The following PTPRR variants were observed in gnomAD, a reference collection of about 807,000 sequenced individuals.
PTPRR encodes protein tyrosine phosphatase receptor type R, also known as receptor-type tyrosine-protein phosphatase R.
In PTPRR, 38 loss-of-function variants were observed where a neutral mutation model predicts 77.2. The ratio of observed to expected loss-of-function variants is 0.49; its 90% CI spans 0.38 to 0.65. The LOEUF is 0.65. Ranked by LOEUF, PTPRR falls within the 30% of genes least tolerant of loss-of-function variation. The pLI is 0.00. For synonymous variants in PTPRR, 299 were observed against 283.1 expected, an observed-to-expected ratio of 1.06 and a Z score of -0.57; for missense variants, 744 against 799.2, an observed-to-expected ratio of 0.93 and a Z score of 0.83.
At chr12:70,809,004 C>A (rs1452490964) in intron 2 of PTPRR, among the ~76,000 whole-genome samples, 1 of 152,040 alleles carries the variant, frequency 6.6e-6, no homozygotes, top group African/African-American at 2.4e-5. Flanking sequence ...GGAGATTGAC[C>A]CCACAGAAAT....
At chr12:70,848,869 A>C (rs1189764632) in intron 2 of PTPRR, among the ~76,000 whole-genome samples, 1 of 152,200 alleles carries the variant, frequency 6.6e-6, no homozygotes, top group Non-Finnish European at 1.5e-5. Flanking sequence ...AGTATCACTC[A>C]ACCAAACACA....
rs982974265 is a variant in PTPRR, at chr12:70,765,673, T to C, written c.358-895A>G. Among the ~76,000 whole-genome samples the C allele has an allele frequency of 2.0e-5, 3 of 152,272 alleles. No homozygotes were observed. The East Asian group carries it at 5.8e-4, about 29-fold the overall frequency. The stretch of plus-strand genomic sequence containing the variant: ...GAAGAGAGCAGTGGTTCTCCCAGCA[T>C]GCAGCTGGAGATCTGAGAACGGGTA... On this transcript the variant is annotated intron_variant, in intron 2 of 13. Transcript: ENST00000283228.
intron 2 of PTPRR, among the ~76,000 whole-genome samples, chr12:70,781,799 T>G (rs1007719345): frequency 6.6e-6 from 1 of 152,174 alleles, no homozygotes; most frequent in Admixed American, 6.5e-5. Context: ...TAGTTTTAAA[T>G]AACTATGACC....
intron 2 of PTPRR, among the ~76,000 whole-genome samples, chr12:70,877,885 C>G (rs1466497141): frequency 6.6e-5 from 10 of 152,132 alleles, no homozygotes; most frequent in African/African-American, 2.4e-4. Context: ...CAGCATGGTA[C>G]TGGTACCAAA....
chr12:70,754,633 GT>G, intron 4 of PTPRR: 2 of 1,597,738 alleles, frequency 1.3e-6, no homozygotes, highest in East Asian at 2.2e-5. Context: ...GGAGGAAATT[GT>G]TTCTGATTTC....
chr12:70,919,862 C>A (rs930685517), intron 1 of PTPRR, among the ~76,000 whole-genome samples: 2 of 151,970 alleles, frequency 1.3e-5, no homozygotes, highest in African/African-American at 4.8e-5. Context: ...GTATTTCGAT[C>A]TTTTGGGCGG....
intron 2 of PTPRR, among the ~76,000 whole-genome samples, chr12:70,865,367 A>G (rs957162341): frequency 1.3e-5 from 2 of 152,192 alleles, no homozygotes; most frequent in African/African-American, 4.8e-5. Flanking sequence ...GATCCTAAAC[A>G]TTAAGGAACT....
chr12:70,788,867 C>G (rs1891375330), intron 2 of PTPRR: 1 of 1,520,154 alleles, frequency 6.6e-7, no homozygotes, highest in South Asian at 1.2e-5. Flanking sequence ...CATTTGCACT[C>G]TTCTTTGTGT....
chr12:70,707,339 AT>A (rs1296604656), intron 6 of PTPRR, among the ~76,000 whole-genome samples: 1 of 152,078 alleles, frequency 6.6e-6, no homozygotes, highest in African/African-American at 2.4e-5. Flanking sequence ...AAAAATCTAG[AT>A]TTTTATTCAA....
At chr12:70,684,969 C>G (rs898360946) in intron 8 of PTPRR, 186 bp from the exon 9 acceptor site, 17 of 449,106 alleles carry the variant, frequency 3.8e-5, no homozygotes, top group African/African-American at 6.1e-5. Flanking sequence ...TGTCTTCACT[C>G]CTGACATAAA....
chr12:70,721,458 C>A (rs545855873), intron 6 of PTPRR, among the ~76,000 whole-genome samples: 1 of 152,294 alleles, frequency 6.6e-6, no homozygotes, highest in East Asian at 1.9e-4. Context: ...CGGTGGATAG[C>A]TCCTGTCCAA....
intron 2 of PTPRR, among the ~76,000 whole-genome samples, chr12:70,784,644 A>G (rs1012617701): frequency 6.6e-6 from 1 of 152,258 alleles, no homozygotes; most frequent in African/African-American, 2.4e-5. Flanking sequence ...CGCCGCTGCC[A>G]TCACTATTAG....
At chr12:70,736,357 C>T (rs766446580) in intron 6 of PTPRR, among the ~76,000 whole-genome samples, 4 of 152,114 alleles carry the variant, frequency 2.6e-5, no homozygotes, top group Non-Finnish European at 5.9e-5. Flanking sequence ...CCATAATATA[C>T]CTACTTGCTA....
At chr12:70,657,026 G>A (rs11178350) in intron 12 of PTPRR, among the ~76,000 whole-genome samples, 40,063 of 146,386 alleles carry the variant, frequency 0.27, 7,272 homozygotes, top group African/African-American at 0.51. Flanking sequence ...GGGGGAAGTG[G>A]TGAGTTGGGG....
At chr12:70,648,238 TA>T (rs547964832) in intron 13 of PTPRR, among the ~76,000 whole-genome samples, 85 of 152,054 alleles carry the variant, frequency 5.6e-4, no homozygotes, top group Admixed American at 2.6e-3. Context: ...GGCTAGATTT[TA>T]AAAAAAAACC....
At chr12:70,792,293 A>G (rs1366054195) in intron 2 of PTPRR, among the ~76,000 whole-genome samples, 2 of 152,216 alleles carry the variant, frequency 1.3e-5, no homozygotes, top group East Asian at 3.8e-4. Flanking sequence ...AGTTGGGCAG[A>G]GATTTTCAGC....
chr12:70,741,160 G>A (rs1359372925), intron 6 of PTPRR, among the ~76,000 whole-genome samples: 1 of 152,128 alleles, frequency 6.6e-6, no homozygotes, highest in Non-Finnish European at 1.5e-5. Context: ...CACTCATTCA[G>A]GCATTTATCT....
chr12:70,821,213 C>CTTTTTTTTTTTTTTTTTTTTTTTT lies in PTPRR; in HGVS notation c.358-56459_358-56436dup, dbSNP rs61539990. Among the ~76,000 whole-genome samples the CTTTTTTTTTTTTTTTTTTTTTTTT allele has an allele frequency of 3.1e-3, 99 of 31,986 alleles. 21 individuals carry two copies. Among genetic ancestry groups the CTTTTTTTTTTTTTTTTTTTTTTTT allele is most frequent in the South Asian group, 0.021 (8 of 376 alleles). 21.0% of individuals were successfully genotyped at this position (31,986 alleles called of 152,430 possible). ...CAAAACATGTTGAAAGGGATCACTG[C>CTTTTTTTTTTTTTTTTTTTTTTTT]TTTTTTTTTTTTTTTTTTTTTTTTT... On this transcript the variant is annotated intron_variant, in intron 2 of 13. Transcript: ENST00000283228.
chr12:70,741,393 G>A (rs1890040860), intron 6 of PTPRR, among the ~76,000 whole-genome samples: 1 of 152,182 alleles, frequency 6.6e-6, no homozygotes. Flanking sequence ...AGCTGAATCA[G>A]TAGTGGGCTG....
Sources: allele counts gnomAD v4.1 joint callset (sites outside exome capture counted in the v4.1 genomes callset), GRCh38; gene constraint gnomAD v4.1.1; transcripts MANE v1.5; gene names NCBI Gene and HGNC (gene_info 2026-07-23, HGNC 2026-07-21).